Variants in FAT2 observed in about 807,000 individuals in gnomAD.
The protein encoded by FAT2 is protocadherin Fat 2.
FAT2 carries 150 observed loss-of-function variants against 295.3 expected under a neutral mutation model. The observed-to-expected ratio is 0.51, with a 90% confidence interval of 0.44 to 0.58. The LOEUF is 0.58. FAT2 is among the 20% of genes least tolerant of loss of function. The probability of loss-of-function intolerance (pLI) is 0.00; values close to 1 mark genes in which losing one functional copy is unlikely to be tolerated. For synonymous variants in FAT2, 2,026 were observed against 2,150.3 expected (o/e 0.94, Z 1.60); for missense variants, 4,868 against 5,442.7 (o/e 0.89, Z 3.32).
chr5:151,507,097 A>G, intron 23 of FAT2, 57 bp downstream of exon 23: 1 of 1,461,680 alleles, frequency 6.8e-7, no homozygotes, highest in Admixed American at 2.2e-5. Flanking sequence ...CGGAGTGTTT[A>G]GAACCACCAC....
At chr5:151,549,616 C>T (rs1156875073) in intron 8 of FAT2, 111 bp from the exon 9 acceptor site, 1 of 771,412 alleles carries the variant, frequency 1.3e-6, no homozygotes, top group African/African-American at 1.7e-5. Flanking sequence ...CCAATTGTAA[C>T]TAACTCCCCA....
chr5:151,517,678 G>A lies in FAT2; in HGVS notation c.11405C>T (p.Thr3802Ile), dbSNP rs1289529754. 2 of 1,614,202 alleles carry A rather than the reference G, an allele frequency of 1.2e-6. No homozygotes were observed. The highest frequency in any genetic ancestry group is 1.1e-5 in the South Asian group (1 of 91,076). Residue 3802 changes from threonine (T) to isoleucine (I), a missense_variant, in exon 20 of 24, where the codon ACA becomes ATA. Coordinates refer to ENST00000261800, the MANE Select transcript of FAT2 (RefSeq NM_001447.3). ...RNWHIHFYLK[T>I]LQPQAILLFT... is the part of the protein sequence containing the mutation. ...TAGAAGAATGGCCTGTGGCTGGAGT[G>A]TTTTCAGATAGAAATGGATGTGCCA...
chr5:151,543,418 G>A lies in FAT2; in HGVS notation c.7709C>T (p.Thr2570Met), dbSNP rs560174924. 13 of 1,614,050 alleles carry A rather than the reference G, an allele frequency of 8.1e-6. No homozygotes were observed. Among genetic ancestry groups the A allele is most frequent in the Middle Eastern group, 1.6e-4 (1 of 6,062 alleles). Residue 2570 changes from threonine (T) to methionine (M), a missense_variant, in exon 10 of 24, where the codon ACG becomes ATG. Physicochemically the swap from Thr to Met is moderately conservative, Grantham distance 81 (BLOSUM62 -1). This residue lies in a region of FAT2 where 3,297 missense variants were observed against 3,669.4 expected (regional missense o/e 0.90). Coordinates refer to ENST00000261800, the MANE Select transcript of FAT2 (RefSeq NM_001447.3). ...TTCATCTGTGAGGATGATCTTCACC[G>A]TGCAGAAGGCTACTCTTCCTCCTCC... ...RDGGGRVAFC[T>M]VKIILTDEND...
rs770814959 is a variant in FAT2, at chr5:151,512,394, C to A, written c.11676G>T (p.Leu3892Phe). 2 of 1,614,238 alleles carry A rather than the reference C, an allele frequency of 1.2e-6. No homozygotes were observed. Among genetic ancestry groups the A allele is most frequent in the East Asian group, 2.2e-5 (1 of 44,890 alleles). ...CRGLRPERHLLLGGLILLHSS... is the reference protein window; with the variant it reads ...CRGLRPERHLFLGGLILLHSS... ...AATGCAACAGAATGAGGCCGCCCAGCAAGAGGTGCCTTTCGGGCCTCAGAC... is the reference window on the plus strand; with the variant it reads ...AATGCAACAGAATGAGGCCGCCCAGAAAGAGGTGCCTTTCGGGCCTCAGAC... The change falls in exon 21 of 24, where the codon TTG becomes TTT. Residue 3892 changes from leucine to phenylalanine, a missense_variant. Leu to Phe is a conservative substitution (Grantham distance 22). Coordinates refer to ENST00000261800, the MANE Select transcript of FAT2 (RefSeq NM_001447.3). The surrounding 1 kb of genome is among the most constrained non-coding windows in gnomAD (Gnocchi z 4.1).
At chr5:151,574,685 G>A (rs776605307) in intron 1 of FAT2, among the ~76,000 whole-genome samples, 7 of 152,246 alleles carry the variant, frequency 4.6e-5, no homozygotes, top group African/African-American at 7.2e-5. Flanking sequence ...CTCTGGTGTG[G>A]ATAGGGCTTG....
chr5:151,509,942 A>T, intron 22 of FAT2, 79 bp downstream of exon 22: 1 of 1,524,990 alleles, frequency 6.6e-7, no homozygotes, highest in Non-Finnish European at 9.0e-7. Flanking sequence ...CTGGCCTCCC[A>T]TTGGACTTTC....
chr5:151,549,208 T>C (rs1756954426), intron 9 of FAT2, 87 bp downstream of exon 9: 2 of 1,268,190 alleles, frequency 1.6e-6, no homozygotes, highest in Middle Eastern at 5.4e-4. Context: ...TGGTACTTGA[T>C]TAATTTGCGA....
At chr5:151,514,973 TA>T (rs925690026) in intron 20 of FAT2, among the ~76,000 whole-genome samples, 7 of 152,208 alleles carry the variant, frequency 4.6e-5, no homozygotes, top group East Asian at 1.9e-4. Flanking sequence ...TTACAGATGA[TA>T]ATCTTTATTT....
At chr5:151,591,513 C>T (rs1759405729), upstream of FAT2, among the ~76,000 whole-genome samples, 1 of 152,184 alleles carries the variant, frequency 6.6e-6, no homozygotes, top group Non-Finnish European at 1.5e-5. Flanking sequence ...AGGCCCATCT[C>T]CACCTCCCTT....
intron 1 of FAT2, among the ~76,000 whole-genome samples, chr5:151,569,536 C>A (rs1758441675): frequency 6.6e-6 from 1 of 152,164 alleles, no homozygotes; most frequent in Admixed American, 6.5e-5. Context: ...ACCATATCAG[C>A]CCTGCAACAG....
In FAT2 at chr5:151,567,002, C is replaced by G; in HGVS notation, c.1930G>C (p.Asp644His). 1 of 1,614,130 alleles carries G rather than the reference C, an allele frequency of 6.2e-7. No homozygotes were observed. The highest frequency in any genetic ancestry group is 8.5e-7 in the Non-Finnish European group (1 of 1,180,024). ...TSYSLKITAS[D>H]GKNYASPTTL... ...GTGGGTGAGGCATAGTTTTTGCCAT[C>G]TGAGGCTGTAATCTTCAGGGAATAA... is the stretch of plus-strand genomic sequence containing the variant. Residue 644 changes from aspartate (D) to histidine (H), a missense_variant, in exon 2 of 24, where the codon GAT (aspartate) becomes CAT (histidine). Physicochemically the swap from Asp to His is moderately conservative, Grantham distance 81. Coordinates refer to ENST00000261800, the MANE Select transcript of FAT2 (RefSeq NM_001447.3).
intron 3 of FAT2, among the ~76,000 whole-genome samples, chr5:151,562,861 AGTG>A (rs1157031859): frequency 1.3e-5 from 2 of 152,144 alleles, no homozygotes; most frequent in Non-Finnish European, 2.9e-5. Context: ...TGACAACATA[AGTG>A]GATTCACATT....
chr5:151,567,284 T>C lies in FAT2; in HGVS notation c.1648A>G (p.Ile550Val). 1 of 1,614,074 alleles carries C rather than the reference T, an allele frequency of 6.2e-7. No homozygotes were observed. The change falls in exon 2 of 24, where the codon ATT (isoleucine) becomes GTT (valine). Residue 550 changes from isoleucine (I) to valine (V), a missense_variant. Transcript: ENST00000261800. ...TTCAAGTTCCTGAGCTGAAGAAAAA[T>C]GGACACTTCCTTCTCCCGGCGAAAA... ...SPFRREKEVS[I>V]FLQLRNLNDN...
intron 1 of FAT2, among the ~76,000 whole-genome samples, chr5:151,587,171 A>C (rs563693032): frequency 0.012 from 1,771 of 151,828 alleles, 35 homozygotes; most frequent in African/African-American, 0.039. Flanking sequence ...CAAAACAAAA[A>C]AAAAACAAAA....
chr5:151,549,452 A>G lies in FAT2; in HGVS notation c.4632T>C (p.His1544=), dbSNP rs201185656. Residue 1544 remains histidine, a synonymous_variant, in exon 9 of 24, where the codon CAT becomes CAC. Transcript: ENST00000261800. ...IKRNFVWVTI[H]VEDGNLHPPR... ...GTGGGTGGAGGTTTCCATCCTCCAC[A>G]TGAATGGTCACCCACACGAAGTTCC... 6 of 1,614,192 alleles carry G rather than the reference A, an allele frequency of 3.7e-6. No homozygotes were observed. The East Asian group carries it at 1.1e-4, about 30-fold the overall frequency.
Position 151,545,310 on chromosome 5 carries a change from G to C in FAT2, c.5817C>G (p.Leu1939=). The change falls in exon 10 of 24, where the codon CTC becomes CTG. Residue 1939 remains leucine (L), a synonymous_variant. Coordinates refer to ENST00000261800, the MANE Select transcript of FAT2 (RefSeq NM_001447.3). ...ACAAGCCATCAGAAGCCCTGATGGT[G>C]AGCTTCCGAGAGAGTCCCAGGAAAG... is the stretch of plus-strand genomic sequence containing the variant. ...NPAFLGLSRK[L]TIRASDGLYQ... 1.2e-6 allele frequency: 2 copies of C among 1,614,108 alleles called. No individual in the cohort carries two copies. Among genetic ancestry groups the C allele is most frequent in the Non-Finnish European group, 1.7e-6 (2 of 1,180,014 alleles).
In FAT2 at chr5:151,566,236, G is replaced by A; in HGVS notation, c.2696C>T (p.Pro899Leu). The change falls in exon 2 of 24, where the codon CCC (proline) becomes CTC (leucine). Residue 899 changes from proline to leucine, a missense_variant. By Grantham distance (98) the Pro-to-Leu change is moderately conservative. This residue lies in a region of FAT2 where 3,297 missense variants were observed against 3,669.4 expected (regional missense o/e 0.90). Coordinates refer to ENST00000261800, the MANE Select transcript of FAT2 (RefSeq NM_001447.3). ...AGAGAAGAGCTGGTGGCCTTTGCTG[G>A]GCTGATCCCTGGCCTCCACCTTGAG... ...YILKVEARDQ[P>L]SKGHQLFSVT... 1 of 1,614,076 alleles carries A rather than the reference G, an allele frequency of 6.2e-7. No individual in the cohort carries two copies. Among genetic ancestry groups the A allele is most frequent in the African/African-American group, 1.3e-5 (1 of 75,004 alleles).
rs770302828 is a variant in FAT2 at position 151,507,571 on chromosome 5, G to T, written c.12100C>A (p.Leu4034Ile). 3 of 1,613,624 alleles carry T rather than the reference G, an allele frequency of 1.9e-6. No individual in the cohort carries two copies. Among genetic ancestry groups the T allele is most frequent in the Non-Finnish European group, 2.5e-6 (3 of 1,179,964 alleles). ...CCCCTTTGGATCTCGGGAGTGACTAGGCAGTGTCCTTCTGAACAACCCCTC... is the reference window on the plus strand; with the variant it reads ...CCCCTTTGGATCTCGGGAGTGACTATGCAGTGTCCTTCTGAACAACCCCTC... ...EARGCSEGHCLVTPEIQRGDW... is the reference protein window; with the variant it reads ...EARGCSEGHCIVTPEIQRGDW... Residue 4034 changes from leucine (L) to isoleucine (I), a missense_variant, in exon 23 of 24, where the codon CTA becomes ATA. Around this residue, in one of 5 missense-constraint regions of FAT2, gnomAD observed 492 missense variants for 482.6 expected, o/e 1.02. Coordinates refer to ENST00000261800, the MANE Select transcript of FAT2 (RefSeq NM_001447.3).
intron 10 of FAT2, among the ~76,000 whole-genome samples, chr5:151,541,841 A>G (rs568779979): frequency 2.2e-4 from 33 of 152,344 alleles, no homozygotes; most frequent in African/African-American, 7.9e-4. Context: ...TCATTCTTAC[A>G]CTTAGGACCT....
Sources: gnomAD v4.1 joint callset for allele counts (sites outside exome capture counted in the v4.1 genomes callset) on GRCh38, gnomAD v4.1.1 for gene constraint, gnomAD v4.1.1 regional missense constraint, Gnocchi (gnomAD v3.1) non-coding constraint, MANE v1.5 for transcripts, NCBI Gene and HGNC (gene_info 2026-07-23, HGNC 2026-07-21) for gene names.